LCOR: variants seen among roughly 807,000 people sequenced by gnomAD.
The protein encoded by LCOR is ligand-dependent corepressor.
In LCOR, 14 loss-of-function variants were observed where a neutral mutation model predicts 64.4. The ratio of observed to expected loss-of-function variants is 0.22; its 90% confidence interval spans 0.14 to 0.34. The LOEUF (loss-of-function observed/expected upper bound fraction) is 0.34. Among genes scored for constraint, LCOR ranks in the 10% least tolerant of loss-of-function variants. LCOR has a pLI of 1.00. For synonymous variants in LCOR, 643 were observed against 642.5 expected, an observed-to-expected ratio of 1.00 and a Z score of -0.01; for missense variants, 1,686 against 1,765.3, an observed-to-expected ratio of 0.96 and a Z score of 0.80.
Position 96,958,638 on chromosome 10 carries a change from C to G in LCOR, c.332+6442C>G. ...GACCTGAAGATTGTAATATTCATGTCTGTGAAGCTTTTAAACATTACACTT... is the reference window on the plus strand; with the variant it reads ...GACCTGAAGATTGTAATATTCATGTGTGTGAAGCTTTTAAACATTACACTT... On this transcript the variant is annotated intron_variant, in intron 7 of 7. Transcript: ENST00000421806. The G allele has an allele frequency of 7.0e-6, 4 of 572,846 alleles. No individual in the cohort carries two copies. In the South Asian group the frequency reaches 8.9e-5, roughly 13 times the overall value. 35.5% of individuals were successfully genotyped at this position (572,846 alleles called of 1,614,324 possible). A position where few individuals can be genotyped will look rare whatever the true frequency, so the allele number is the denominator to read the frequency against.
At chr10:96,896,305 C>T (rs981528934) in intron 2 of LCOR, among the ~76,000 whole-genome samples, 3 of 152,002 alleles carry the variant, frequency 2.0e-5, no homozygotes, top group Non-Finnish European at 4.4e-5. Context: ...GACATACATA[C>T]CTCAAATAGA....
chr10:96,925,956 C>T (rs1847160922), intron 4 of LCOR, among the ~76,000 whole-genome samples: 1 of 152,140 alleles, frequency 6.6e-6, no homozygotes, highest in South Asian at 2.1e-4. Context: ...AATAAGTTTT[C>T]TGTTAATGTT....
intron 2 of LCOR, among the ~76,000 whole-genome samples, chr10:96,866,114 C>G (rs1237192044): frequency 6.6e-6 from 1 of 152,084 alleles, no homozygotes; most frequent in East Asian, 1.9e-4. Context: ...ACAGTTCATT[C>G]CTTTTTTAGC....
At chr10:96,840,312 A>G (rs182049679) in intron 2 of LCOR, among the ~76,000 whole-genome samples, 35 of 152,314 alleles carry the variant, frequency 2.3e-4, no homozygotes, top group East Asian at 1.9e-4. Context: ...TTCTTTTAGC[A>G]TATCACTTAA....
chr10:96,977,960 A>T (rs1315545184), intron 7 of LCOR, among the ~76,000 whole-genome samples: 1 of 152,150 alleles, frequency 6.6e-6, no homozygotes, highest in Non-Finnish European at 1.5e-5. Flanking sequence ...TGGGGCAGGT[A>T]CTCTACTAAG....
rs1848157482 is a variant in LCOR, at chr10:96,987,390, G to A, written c.*2256G>A. 1 of 152,134 alleles carries A rather than the reference G, an allele frequency of 6.6e-6. No homozygotes were observed. Among genetic ancestry groups the A allele is most frequent in the Non-Finnish European group, 1.5e-5 (1 of 68,026 alleles). 9.4% of individuals were successfully genotyped at this position (152,134 alleles called of 1,614,324 possible). A position where few individuals can be genotyped will look rare whatever the true frequency, so the allele number is the denominator to read the frequency against. On this transcript the variant is annotated 3_prime_UTR_variant, in exon 8 of 8. Coordinates refer to ENST00000421806, the MANE Select transcript of LCOR (RefSeq NM_001346516.2). ...TTGTAAGGTGCTTGGATTAGGTTAG[G>A]GAGAGGTGTAAGGTAGTAAGTGGGT...
chr10:96,881,175 G>A (rs911705431), intron 2 of LCOR, among the ~76,000 whole-genome samples: 48 of 152,126 alleles, frequency 3.2e-4, no homozygotes, highest in African/African-American at 1.1e-3. Flanking sequence ...CTCCTGGAGA[G>A]GAGAGTACGT....
intron 4 of LCOR, among the ~76,000 whole-genome samples, chr10:96,920,730 A>ATATATATATGTG (rs1554837286): frequency 1.9e-4 from 21 of 111,448 alleles, no homozygotes; most frequent in African/African-American, 9.2e-4. Flanking sequence ...ATATATGTTC[A>ATATATATATGTG]TATATATGTG....
At chr10:96,833,162 G>C in intron 1 of LCOR, 1 of 985,508 alleles carries the variant, frequency 1.0e-6, no homozygotes, top group Non-Finnish European at 1.2e-6. Context: ...GGGAGGAGGG[G>C]GTGGGACCGG....
Position 96,990,545 on chromosome 10 carries a change from C to CCAGT in LCOR, c.*5413_*5416dup, listed in dbSNP as rs1848191120. ...TGGATGGATTGGAAGACTTGAGGAT[C>CCAGT]CAGTCTCTTTCCTTTATAGATAATT... On this transcript the variant is annotated 3_prime_UTR_variant, in exon 8 of 8. Coordinates refer to ENST00000421806, the MANE Select transcript of LCOR (RefSeq NM_001346516.2). The CCAGT allele has an allele frequency of 6.6e-6, 1 of 152,186 alleles. No homozygotes were observed. Among genetic ancestry groups the CCAGT allele is most frequent in the Non-Finnish European group, 1.5e-5 (1 of 68,080 alleles). The allele number at this position is 152,186 out of a possible 1,614,324, so 9.4% of individuals were successfully genotyped here.
At chr10:96,834,669 G>T (rs925385475) in intron 2 of LCOR, among the ~76,000 whole-genome samples, 1 of 152,058 alleles carries the variant, frequency 6.6e-6, no homozygotes, top group Non-Finnish European at 1.5e-5. Flanking sequence ...GGTTTTTTCA[G>T]CAGGGCTTTT....
chr10:96,898,333 G>A (rs1846577630), intron 2 of LCOR, among the ~76,000 whole-genome samples: 1 of 152,124 alleles, frequency 6.6e-6, no homozygotes, highest in Non-Finnish European at 1.5e-5. Context: ...TGTTGTGACT[G>A]ATCAGTATGG....
chr10:96,847,041 A>G (rs1845641294), intron 2 of LCOR, among the ~76,000 whole-genome samples: 3 of 152,126 alleles, frequency 2.0e-5, no homozygotes, highest in Admixed American at 2.0e-4. Context: ...CCAGGAGTTC[A>G]AGACCAGCCT....
At chr10:96,958,467 T>C in intron 7 of LCOR, 1 of 997,904 alleles carries the variant, frequency 1.0e-6, no homozygotes, top group Non-Finnish European at 1.5e-6. Context: ...TGCTGCAGTT[T>C]AAGAGAACTT....
At chr10:96,924,906 C>T (rs1589660039) in intron 4 of LCOR, among the ~76,000 whole-genome samples, 2 of 152,140 alleles carry the variant, frequency 1.3e-5, no homozygotes, top group African/African-American at 2.4e-5. Context: ...GAATCTTACT[C>T]AAATTTTACC....
intron 2 of LCOR, among the ~76,000 whole-genome samples, chr10:96,905,583 C>G (rs1438580188): frequency 2.6e-5 from 4 of 152,076 alleles, no homozygotes; most frequent in African/African-American, 9.7e-5. Flanking sequence ...TCTCTTATCA[C>G]TACCTCCCCA....
At chr10:96,848,396 G>A (rs953286394) in intron 2 of LCOR, among the ~76,000 whole-genome samples, 2 of 152,066 alleles carry the variant, frequency 1.3e-5, no homozygotes, top group Non-Finnish European at 2.9e-5. Context: ...GGTGGCTCAC[G>A]CCTGTAATCC....
chr10:96,978,080 G>A (rs923290014), intron 7 of LCOR, among the ~76,000 whole-genome samples: 1 of 152,192 alleles, frequency 6.6e-6, no homozygotes, highest in Non-Finnish European at 1.5e-5. Flanking sequence ...CACATATTGT[G>A]CTGTTGCTTT....
intron 2 of LCOR, among the ~76,000 whole-genome samples, chr10:96,895,709 G>A (rs772780158): frequency 6.6e-6 from 1 of 151,972 alleles, no homozygotes; most frequent in Non-Finnish European, 1.5e-5. Context: ...TCAATATACC[G>A]TACTTCATAC....
Sources: gnomAD v4.1 joint callset for allele counts (sites outside exome capture counted in the v4.1 genomes callset) on GRCh38, gnomAD v4.1.1 for gene constraint, MANE v1.5 for transcripts, NCBI Gene and HGNC (gene_info 2026-07-23, HGNC 2026-07-21) for gene names.